PARD3B: variants seen among roughly 807,000 people sequenced by gnomAD.
PARD3B encodes the protein par-3 family cell polarity regulator beta.
A neutral mutation model predicts 130.2 loss-of-function variants in PARD3B; 103 were observed. The observed-to-expected ratio is 0.79, with a 90% confidence interval of 0.67 to 0.93. The LOEUF (loss-of-function observed/expected upper bound fraction) is 0.93, where lower values mean the gene tolerates loss of function less well. PARD3B is among the 40% of genes least tolerant of loss of function. The probability of loss-of-function intolerance (pLI) is 0.00; values close to 1 mark genes in which losing one functional copy is unlikely to be tolerated. For synonymous variants in PARD3B, 583 were observed against 553.2 expected (o/e 1.05, Z -0.76); for missense variants, 1,609 against 1,499.2 (o/e 1.07, Z -1.21).
At chr2:205,579,332 C>T (rs915205485) in intron 22 of PARD3B, among the ~76,000 whole-genome samples, 3 of 151,952 alleles carry the variant, frequency 2.0e-5, no homozygotes, top group African/African-American at 7.3e-5. Context: ...CTCTCTCATC[C>T]TCATCCTCAT....
At chr2:205,104,594 T>TG in intron 5 of PARD3B, 80 bp downstream of exon 5, 1 of 1,013,362 alleles carries the variant, frequency 9.9e-7, no homozygotes, top group East Asian at 2.5e-5. Flanking sequence ...TGTTCTTACT[T>TG]TACAAGAAAG....
At position 205,253,599 on chromosome 2, in the gene PARD3B, G is replaced by T; in HGVS notation, c.2185+7777G>T. 1 of 396,734 alleles carries T rather than the reference G, an allele frequency of 2.5e-6. No homozygotes were observed. The highest frequency in any genetic ancestry group is 5.0e-6 in the Non-Finnish European group (1 of 200,666). 24.6% of individuals were successfully genotyped at this position (396,734 alleles called of 1,614,324 possible). A position where few individuals can be genotyped will look rare whatever the true frequency, so the allele number is the denominator to read the frequency against. On this transcript the variant is annotated intron_variant, in intron 16 of 22. Coordinates refer to ENST00000406610, the MANE Select transcript of PARD3B (RefSeq NM_001302769.2). The surrounding 1 kb of genome is among the most constrained non-coding windows in gnomAD (Gnocchi z 4.4). ...CTTCAGAGCCCAGCAGAAAGACAGA[G>T]AAAGAAGCCTCCTTGGGGTTCCATT...
rs1575740198 is a variant in PARD3B at position 205,085,997 on chromosome 2, A to G, written c.505-18429A>G. Among the ~76,000 whole-genome samples the G allele has an allele frequency of 4.6e-5, 7 of 152,290 alleles. No homozygotes were observed. The East Asian group carries it at 1.4e-3, about 29-fold the overall frequency. On this transcript the variant is annotated intron_variant, in intron 4 of 22. Transcript: ENST00000406610. ...AAAGGAACCTTGGGAGAGTGCTGGGAAACAATAAAAGGTCAAGTTTAATGC... is the reference window on the plus strand; with the variant it reads ...AAAGGAACCTTGGGAGAGTGCTGGGGAACAATAAAAGGTCAAGTTTAATGC...
intron 3 of PARD3B, among the ~76,000 whole-genome samples, chr2:204,989,839 T>G (rs1693495017): frequency 1.3e-5 from 2 of 152,174 alleles, no homozygotes; most frequent in Admixed American, 6.5e-5. Flanking sequence ...AATGGATATT[T>G]GCATTATTTC....
rs13417368 is a variant in PARD3B, at chr2:204,919,531, G to T, written c.223-45621G>T. Among the ~76,000 whole-genome samples the T allele has an allele frequency of 2.1e-3, 322 of 152,190 alleles. 2 individuals carry two copies. The highest frequency in any genetic ancestry group is 7.6e-3 in the African/African-American group (314 of 41,536). ...GTATTCATTTGTATAAGGCTTCTTT[G>T]TTCAGCATGTTTTTGAGATTCACCG... On this transcript the variant is annotated intron_variant, in intron 2 of 22. Transcript: ENST00000406610.
intron 16 of PARD3B, among the ~76,000 whole-genome samples, chr2:205,246,757 G>T (rs937000694): frequency 1.3e-5 from 2 of 152,132 alleles, no homozygotes; most frequent in Non-Finnish European, 2.9e-5. Flanking sequence ...GCAAGATTAT[G>T]ATTTTTTTCC....
At chr2:205,599,287 A>C (rs997116923) in intron 22 of PARD3B, among the ~76,000 whole-genome samples, 1 of 152,214 alleles carries the variant, frequency 6.6e-6, no homozygotes, top group African/African-American at 2.4e-5. Context: ...ACATTGAGGC[A>C]CATGCAAAAA....
At chr2:204,905,090 C>T (rs2046997653) in intron 2 of PARD3B, among the ~76,000 whole-genome samples, 1 of 152,150 alleles carries the variant, frequency 6.6e-6, no homozygotes, top group South Asian at 2.1e-4. Context: ...TGGGAAAAAT[C>T]ACAAACTCTA....
At position 205,477,787 on chromosome 2, in the gene PARD3B, T is replaced by A. The variant is rs73055961; in HGVS notation, c.3045-22109T>A. On this transcript the variant is annotated intron_variant, in intron 20 of 22. Transcript: ENST00000406610. Reference sequence around the variant, plus strand: ...AACTGTGAGAGCATTTGCAAGAAGGTGAGAGTGTTTGTGAAATAGACAGAA... The same window carrying A: ...AACTGTGAGAGCATTTGCAAGAAGGAGAGAGTGTTTGTGAAATAGACAGAA... Among the ~76,000 whole-genome samples the A allele has an allele frequency of 9.3e-3, 1,412 of 152,256 alleles. 22 individuals carry two copies. Among genetic ancestry groups the A allele is most frequent in the African/African-American group, 0.029 (1,203 of 41,508 alleles).
Position 205,183,160 on chromosome 2 carries a change from G to A in PARD3B, c.1925-2604G>A, listed in dbSNP as rs2035887541. ...GATTTTGACAGGTAGAGTAGGTTTT[G>A]CAGTTACATAAGCAAAGATACTGAG... On this transcript the variant is annotated intron_variant, in intron 13 of 22. Coordinates refer to ENST00000406610, the MANE Select transcript of PARD3B (RefSeq NM_001302769.2). This position sits in a 1 kb window ranked among gnomAD's most constrained non-coding sequence, Gnocchi z 5.2. Among the ~76,000 whole-genome samples, 1 of 152,140 alleles carries A rather than the reference G, an allele frequency of 6.6e-6. No homozygotes were observed. The highest frequency in any genetic ancestry group is 1.5e-5 in the Non-Finnish European group (1 of 68,010).
chr2:205,495,175 C>A (rs963852510), intron 20 of PARD3B, among the ~76,000 whole-genome samples: 2 of 152,176 alleles, frequency 1.3e-5, no homozygotes, highest in African/African-American at 4.8e-5. Flanking sequence ...TCCATTACAA[C>A]TTTAAGCTCT....
chr2:204,746,251 G>A (rs1167289202), intron 2 of PARD3B, among the ~76,000 whole-genome samples: 8 of 150,154 alleles, frequency 5.3e-5, no homozygotes, highest in Admixed American at 2.0e-4. Flanking sequence ...TTGTGCTTGC[G>A]GTAGTTTGCT....
chr2:205,415,299 C>A (rs568537767), intron 19 of PARD3B, among the ~76,000 whole-genome samples: 4 of 152,140 alleles, frequency 2.6e-5, no homozygotes, highest in Admixed American at 6.6e-5. Context: ...ATAATCAATT[C>A]TGCTCCCAAT....
At chr2:205,262,959 A>G (rs986938982) in intron 16 of PARD3B, among the ~76,000 whole-genome samples, 20 of 152,228 alleles carry the variant, frequency 1.3e-4, no homozygotes, top group African/African-American at 4.8e-4. Flanking sequence ...GCTTCTTTTG[A>G]AATTGCAGGC....
At chr2:204,550,786 C>A (rs552041997) in intron 1 of PARD3B, among the ~76,000 whole-genome samples, 1 of 152,080 alleles carries the variant, frequency 6.6e-6, no homozygotes, top group Non-Finnish European at 1.5e-5. Context: ...ACTGTGGGAT[C>A]GGAATCTAAG....
intron 2 of PARD3B, among the ~76,000 whole-genome samples, chr2:204,801,847 A>G (rs1030924249): frequency 6.6e-6 from 1 of 152,220 alleles, no homozygotes; most frequent in South Asian, 2.1e-4. Context: ...TGGGTTTGTC[A>G]TAAATAGCTC....
chr2:204,729,325 C>CT (rs1481189014), intron 2 of PARD3B, among the ~76,000 whole-genome samples: 3 of 152,130 alleles, frequency 2.0e-5, no homozygotes, highest in Non-Finnish European at 4.4e-5. Flanking sequence ...AGAATAAAGA[C>CT]TTTAAGAGAT....
chr2:205,429,883 G>A (rs978122955), intron 19 of PARD3B, among the ~76,000 whole-genome samples: 13 of 152,172 alleles, frequency 8.5e-5, no homozygotes, highest in African/African-American at 3.1e-4. Context: ...ATCTTCTTCT[G>A]TGCTTTTCTT....
chr2:205,601,907 A>G (rs1162762799), intron 22 of PARD3B, among the ~76,000 whole-genome samples: 1 of 152,012 alleles, frequency 6.6e-6, no homozygotes, highest in African/African-American at 2.4e-5. Context: ...AACATCCAAT[A>G]CTGTGTTGAA....
Sources: gnomAD v4.1 joint callset for allele counts (sites outside exome capture counted in the v4.1 genomes callset) on GRCh38, gnomAD v4.1.1 for gene constraint, Gnocchi (gnomAD v3.1) non-coding constraint, MANE v1.5 for transcripts, NCBI Gene and HGNC (gene_info 2026-07-23, HGNC 2026-07-21) for gene names.